The following FYB2 variants were observed in gnomAD, a reference collection of about 807,000 sequenced individuals.
FYB2 encodes FYN-binding protein 2.
In FYB2, 103 loss-of-function variants were observed where a neutral mutation model predicts 94.1. That is an observed-to-expected ratio of 1.09 (90% CI 0.93 to 1.29). FYB2 has a LOEUF of 1.29. Ranked by LOEUF, FYB2 falls within the 50% of genes most tolerant of loss-of-function variation. The pLI, the probability that FYB2 is intolerant of heterozygous loss-of-function variation, is 0.00. For missense variants in FYB2, 896 were observed against 841.5 expected, an observed-to-expected ratio of 1.06 and a Z score of -0.80; for synonymous variants, 293 against 287.9, an observed-to-expected ratio of 1.02 and a Z score of -0.18.
chr1:56,737,932 T>A (rs1644865801), intron 14 of FYB2, among the ~76,000 whole-genome samples: 1 of 152,102 alleles, frequency 6.6e-6, no homozygotes, highest in South Asian at 2.1e-4. Flanking sequence ...CATTTGTCTT[T>A]TAGTTCAGCA....
intron 1 of FYB2, among the ~76,000 whole-genome samples, chr1:56,814,318 A>C (rs1570260797): frequency 6.6e-6 from 1 of 152,318 alleles, no homozygotes; most frequent in African/African-American, 2.4e-5. Context: ...ACAACTGGAG[A>C]AAATCTGGCA....
intron 4 of FYB2, among the ~76,000 whole-genome samples, chr1:56,785,202 G>T (rs1167170126): frequency 6.6e-6 from 1 of 152,200 alleles, no homozygotes; most frequent in Non-Finnish European, 1.5e-5. Context: ...CCGTTTCTTT[G>T]ATTTAAATGC....
chr1:56,762,497 G>T (rs187320963), intron 5 of FYB2, among the ~76,000 whole-genome samples: 2 of 152,150 alleles, frequency 1.3e-5, no homozygotes, highest in East Asian at 1.9e-4. Context: ...AATTATAAAT[G>T]ATATATTTTT....
At chr1:56,799,818 T>C (rs1570205850) in intron 1 of FYB2, among the ~76,000 whole-genome samples, 1 of 152,316 alleles carries the variant, frequency 6.6e-6, no homozygotes, top group Admixed American at 6.5e-5. Context: ...CTCTCTGCCT[T>C]AACATCTACA....
chr1:56,746,050 C>T lies in FYB2; in HGVS notation c.1388-1784G>A, dbSNP rs138315197. On this transcript the variant is annotated intron_variant, in intron 9 of 19. Coordinates refer to ENST00000343433, the MANE Select transcript of FYB2 (RefSeq NM_001004303.5). ...AAAATGGCAACCTCTATCACCTCTA[C>T]CTGCTTCTTTAATTCTCTTAGCTTG... Among the ~76,000 whole-genome samples the T allele has an allele frequency of 1.7e-3, 256 of 151,806 alleles. 2 individuals carry two copies. The highest frequency in any genetic ancestry group is 5.9e-3 in the African/African-American group (243 of 41,372).
At chr1:56,802,829 C>A (rs1646552836) in intron 1 of FYB2, among the ~76,000 whole-genome samples, 1 of 152,172 alleles carries the variant, frequency 6.6e-6, no homozygotes, top group Non-Finnish European at 1.5e-5. Context: ...GTCATGAAGG[C>A]CTTTCTGTCC....
At position 56,767,887 on chromosome 1, in the gene FYB2, T is replaced by C. The variant is rs776973233; in HGVS notation, c.1005A>G (p.Ser335=). Residue 335 remains serine, a synonymous_variant, in exon 5 of 20, where the codon TCA becomes TCG. Coordinates refer to ENST00000343433, the MANE Select transcript of FYB2 (RefSeq NM_001004303.5). Reference sequence around the variant, plus strand: ...TGGAGTTGCCAGAGTGTCTCAGATATGAAATTGTTGCCTCGTAATTATGTG... The same window carrying C: ...TGGAGTTGCCAGAGTGTCTCAGATACGAAATTGTTGCCTCGTAATTATGTG... ...EEPHNYEATI[S]YLRHSGNSIN... 2 of 1,612,160 alleles carry C rather than the reference T, an allele frequency of 1.2e-6. No homozygotes were observed. The highest frequency in any genetic ancestry group is 4.5e-5 in the East Asian group (2 of 44,856).
At chr1:56,749,491 T>A (rs1018971363) in intron 9 of FYB2, among the ~76,000 whole-genome samples, 2 of 152,052 alleles carry the variant, frequency 1.3e-5, no homozygotes, top group African/African-American at 4.8e-5. Context: ...ATATAAAATG[T>A]AATCATTGGC....
Position 56,751,163 on chromosome 1 carries a change from G to A in FYB2, c.1268C>T (p.Thr423Ile), listed in dbSNP as rs750395520. The A allele has an allele frequency of 3.1e-6, 5 of 1,612,598 alleles. No homozygotes were observed. Among genetic ancestry groups the A allele is most frequent in the Non-Finnish European group, 3.4e-6 (4 of 1,179,166 alleles). Residue 423 changes from threonine to isoleucine, a missense_variant, in exon 9 of 20, where the codon ACC becomes ATC. Coordinates refer to ENST00000343433, the MANE Select transcript of FYB2 (RefSeq NM_001004303.5). ...CEGTPEKIQM[T>I]NVHTGRRNML... Reference sequence around the variant, plus strand: ...GTTCCTTCTACCTGTGTGGACGTTGGTCATCTGAATTTTTTCAGGTGTCCC... The same window carrying A: ...GTTCCTTCTACCTGTGTGGACGTTGATCATCTGAATTTTTTCAGGTGTCCC...
chr1:56,814,614 T>C (rs1646839671), intron 1 of FYB2, among the ~76,000 whole-genome samples: 2 of 152,130 alleles, frequency 1.3e-5, no homozygotes, highest in Admixed American at 1.3e-4. Flanking sequence ...TTTGGACTTG[T>C]GACTAATTGT....
chr1:56,795,357 C>T (rs1279601090), intron 1 of FYB2, among the ~76,000 whole-genome samples: 4 of 152,104 alleles, frequency 2.6e-5, no homozygotes, highest in African/African-American at 9.7e-5. Context: ...ATATATAACA[C>T]ATCCTGTTTA....
chr1:56,800,962 T>A (rs1355719196), intron 1 of FYB2, among the ~76,000 whole-genome samples: 1 of 152,154 alleles, frequency 6.6e-6, no homozygotes, highest in Admixed American at 6.5e-5. Context: ...ATCAGGCCAG[T>A]GAGACTTACA....
Position 56,744,223 on chromosome 1 carries a change from G to C in FYB2, c.1431C>G (p.Asp477Glu). The change falls in exon 10 of 20, where the codon GAC (aspartate) becomes GAG (glutamate). Residue 477 changes from aspartate to glutamate, a missense_variant. Asp to Glu is a conservative substitution (Grantham distance 45). Transcript: ENST00000343433. ...EVLESTKETP[D>E]LGVSKTSSIS... ...TGGAACTTGTCTTAGAGACCCCTAG[G>C]TCTGGAGTTTCTTTAGTTGACTCCA... The C allele has an allele frequency of 6.2e-7, 1 of 1,612,180 alleles. No individual in the cohort carries two copies. The highest frequency in any genetic ancestry group is 8.5e-7 in the Non-Finnish European group (1 of 1,179,198).
At chr1:56,779,421 G>A (rs1403080205) in intron 4 of FYB2, among the ~76,000 whole-genome samples, 1 of 152,122 alleles carries the variant, frequency 6.6e-6, no homozygotes, top group East Asian at 1.9e-4. Flanking sequence ...CCAAGAAGGA[G>A]CAAAGGAAAG....
chr1:56,809,751 T>C lies in FYB2; in HGVS notation c.9+9531A>G, dbSNP rs537957826. Among the ~76,000 whole-genome samples, 29 of 152,278 alleles carry C rather than the reference T, an allele frequency of 1.9e-4. No individual in the cohort carries two copies. In the South Asian group the frequency reaches 6.0e-3, roughly 32 times the overall value. ...CCTTCCTCCCTAGACTAGGAGCAAC[T>C]TCAAGTGCAGCAATAGGGTTAAGAA... On this transcript the variant is annotated intron_variant, in intron 1 of 19. Coordinates refer to ENST00000343433, the MANE Select transcript of FYB2 (RefSeq NM_001004303.5).
chr1:56,757,991 C>T (rs1229250094), intron 6 of FYB2, among the ~76,000 whole-genome samples: 1 of 149,792 alleles, frequency 6.7e-6, no homozygotes, highest in African/African-American at 2.5e-5. Context: ...GTTGCCCAGG[C>T]TGGTCTTGAA....
In FYB2 at chr1:56,719,567, C is replaced by G. The variant is rs1303189392; in HGVS notation, c.*104G>C. On this transcript the variant is annotated 3_prime_UTR_variant, in exon 20 of 20. Coordinates refer to ENST00000343433, the MANE Select transcript of FYB2 (RefSeq NM_001004303.5). ...GAACGAAAGTTTCCACAGATTCCACCATCTCAAAATTTTGACATGTAAACT... is the reference window on the plus strand; with the variant it reads ...GAACGAAAGTTTCCACAGATTCCACGATCTCAAAATTTTGACATGTAAACT... 1.8e-5 allele frequency: 17 copies of G among 961,024 alleles called. No homozygotes were observed. The highest frequency in any genetic ancestry group is 7.6e-6 in the Non-Finnish European group (5 of 658,432). 59.5% of individuals were successfully genotyped at this position (961,024 alleles called of 1,614,324 possible).
chr1:56,750,886 G>GTT (rs1053083178), intron 9 of FYB2, among the ~76,000 whole-genome samples, 158 bp downstream of exon 9: 1 of 151,978 alleles, frequency 6.6e-6, no homozygotes, highest in African/African-American at 2.4e-5. Flanking sequence ...TCAATTCAGT[G>GTT]TTTTTTTCCA....
chr1:56,806,079 T>C (rs1337752262), intron 1 of FYB2, among the ~76,000 whole-genome samples: 1 of 152,184 alleles, frequency 6.6e-6, no homozygotes, highest in Admixed American at 6.6e-5. Flanking sequence ...TTATTTGTTG[T>C]ATTCCTATTA....
Sources: gnomAD v4.1 joint callset for allele counts (sites outside exome capture counted in the v4.1 genomes callset) on GRCh38, gnomAD v4.1.1 for gene constraint, MANE v1.5 for transcripts, NCBI Gene and HGNC (gene_info 2026-07-23, HGNC 2026-07-21) for gene names.